The following GPC5 variants were observed in gnomAD, a reference collection of about 807,000 sequenced individuals.
GPC5 encodes the protein glypican-5.
In GPC5, 47 loss-of-function variants were observed where a neutral mutation model predicts 53.9. The observed-to-expected ratio is 0.87, with a 90% CI of 0.69 to 1.11. GPC5 has a LOEUF of 1.11. GPC5 is among the 50% of genes most tolerant of loss of function. GPC5 has a pLI of 0.00. For missense variants in GPC5, 748 were observed against 713.1 expected (o/e 1.05, Z -0.56); for synonymous variants, 286 against 263.3 (o/e 1.09, Z -0.84).
chr13:91,785,757 A>T (rs923248969), intron 5 of GPC5, among the ~76,000 whole-genome samples: 4 of 152,184 alleles, frequency 2.6e-5, no homozygotes, highest in Admixed American at 2.6e-4. Context: ...ATTCCACATT[A>T]ATCCACATTC....
At chr13:92,660,765 C>T (rs906990283) in intron 7 of GPC5, among the ~76,000 whole-genome samples, 1 of 152,096 alleles carries the variant, frequency 6.6e-6, no homozygotes, top group Non-Finnish European at 1.5e-5. Context: ...TAAACATAAT[C>T]TAACACAATT....
intron 2 of GPC5, among the ~76,000 whole-genome samples, chr13:91,484,379 T>C (rs56387974): frequency 4.3e-4 from 66 of 152,286 alleles, no homozygotes; most frequent in African/African-American, 1.4e-3. Context: ...AAAGCATGTT[T>C]TATATATACC....
intron 7 of GPC5, among the ~76,000 whole-genome samples, chr13:92,611,116 C>A (rs531870251): frequency 6.6e-6 from 1 of 151,938 alleles, no homozygotes; most frequent in African/African-American, 2.4e-5. Context: ...AATTTTATGA[C>A]CATAATAAAA....
intron 7 of GPC5, among the ~76,000 whole-genome samples, chr13:92,728,515 G>A (rs564130977): frequency 2.4e-3 from 370 of 151,304 alleles, no homozygotes; most frequent in Admixed American, 4.2e-3. Flanking sequence ...ATTTCAGAAC[G>A]CATCCAACAT....
At chr13:92,536,931 T>A (rs2138995923) in intron 7 of GPC5, among the ~76,000 whole-genome samples, 1 of 152,208 alleles carries the variant, frequency 6.6e-6, no homozygotes, top group East Asian at 1.9e-4. Context: ...TAAGTTTTGA[T>A]CTCTTGGCAT....
chr13:91,436,293 A>G (rs1161392480), intron 1 of GPC5, among the ~76,000 whole-genome samples: 2 of 151,700 alleles, frequency 1.3e-5, no homozygotes, highest in Admixed American at 6.6e-5. Flanking sequence ...TGTCAATTTT[A>G]GATCTTTCCT....
At chr13:92,702,576 TTCCAGTA>T (rs1887787953) in intron 7 of GPC5, among the ~76,000 whole-genome samples, 1 of 152,078 alleles carries the variant, frequency 6.6e-6, no homozygotes, top group South Asian at 2.1e-4. Flanking sequence ...CTCAAAATGT[TTCCAGTA>T]TCCAGTCATT....
intron 2 of GPC5, among the ~76,000 whole-genome samples, chr13:91,662,089 C>A (rs752294781): frequency 1.3e-5 from 2 of 151,930 alleles, no homozygotes. Context: ...TGGATGAGAT[C>A]ATCAAAAAGT....
rs1316954242 is a variant in GPC5 at position 91,910,023 on chromosome 13, A to C, written c.1401+1966A>C. On this transcript the variant is annotated intron_variant, in intron 6 of 7. Coordinates refer to ENST00000377067, the MANE Select transcript of GPC5 (RefSeq NM_004466.6). Reference sequence around the variant, plus strand: ...ATTCTGGGGTTGCAAGAGAATATCAAATACAATGCTACCTTTGAGGTCTAT... The same window carrying C: ...ATTCTGGGGTTGCAAGAGAATATCACATACAATGCTACCTTTGAGGTCTAT... 2.0e-5 allele frequency among the ~76,000 whole-genome samples: 3 copies of C among 152,290 alleles called. No homozygotes were observed. In the East Asian group the frequency reaches 5.8e-4, roughly 29 times the overall value.
At chr13:91,442,241 TAAC>T (rs962759922) in intron 1 of GPC5, among the ~76,000 whole-genome samples, 2 of 152,334 alleles carry the variant, frequency 1.3e-5, no homozygotes, top group Admixed American at 1.3e-4. Flanking sequence ...CCCATCCTAT[TAAC>T]AAAATATTTT....
chr13:92,268,036 T>C (rs1028350423), intron 7 of GPC5, among the ~76,000 whole-genome samples: 11 of 152,058 alleles, frequency 7.2e-5, no homozygotes, highest in African/African-American at 2.4e-4. Flanking sequence ...TATCATATGC[T>C]TTCAGAAACT....
intron 2 of GPC5, among the ~76,000 whole-genome samples, chr13:91,478,873 T>G (rs1883124630): frequency 1.7e-5 from 1 of 59,978 alleles, no homozygotes; most frequent in Non-Finnish European, 3.5e-5. Context: ...CACACATATA[T>G]ATACACATTA....
At chr13:92,806,058 G>A (rs1877089098) in intron 7 of GPC5, among the ~76,000 whole-genome samples, 2 of 152,032 alleles carry the variant, frequency 1.3e-5, no homozygotes, top group Admixed American at 1.3e-4. Flanking sequence ...TCTTCCAGTA[G>A]AAGGCTGTTT....
At chr13:92,645,510 A>T (rs113523090) in intron 7 of GPC5, among the ~76,000 whole-genome samples, 2 of 152,144 alleles carry the variant, frequency 1.3e-5, no homozygotes, top group African/African-American at 4.8e-5. Context: ...GTAAGTCTTG[A>T]CTTTATATGT....
intron 7 of GPC5, among the ~76,000 whole-genome samples, chr13:92,414,536 A>G (rs1016878806): frequency 6.6e-6 from 1 of 151,616 alleles, no homozygotes; most frequent in Non-Finnish European, 1.5e-5. Context: ...AACTTTTATG[A>G]AGGGGAAGTA....
chr13:92,826,295 G>T, intron 7 of GPC5, among the ~76,000 whole-genome samples: 1 of 152,098 alleles, frequency 6.6e-6, no homozygotes, highest in East Asian at 1.9e-4. Flanking sequence ...GAGGAACGTG[G>T]TCTTTCTTGA....
At chr13:92,747,526 ACCT>A (rs148867866) in intron 7 of GPC5, among the ~76,000 whole-genome samples, 2,236 of 152,070 alleles carry the variant, frequency 0.015, 66 homozygotes, top group African/African-American at 0.051. Flanking sequence ...GTATGCATTG[ACCT>A]CCTCCTCTCT....
intron 2 of GPC5, among the ~76,000 whole-genome samples, chr13:91,668,195 A>G (rs1231696210): frequency 6.6e-6 from 1 of 152,148 alleles, no homozygotes; most frequent in Non-Finnish European, 1.5e-5. Flanking sequence ...CTTTGAATTC[A>G]TGTCACCACA....
intron 5 of GPC5, among the ~76,000 whole-genome samples, chr13:91,906,091 G>A (rs970086162): frequency 6.6e-6 from 1 of 151,996 alleles, no homozygotes; most frequent in African/African-American, 2.4e-5. Flanking sequence ...ACTCAATGGA[G>A]AGTCTTAAAC....
Sources: gnomAD v4.1 joint callset for allele counts (sites outside exome capture counted in the v4.1 genomes callset) on GRCh38, gnomAD v4.1.1 for gene constraint, MANE v1.5 for transcripts, NCBI Gene and HGNC (gene_info 2026-07-23, HGNC 2026-07-21) for gene names.